RBFOX1: variants seen among roughly 807,000 people sequenced by gnomAD.
RBFOX1 encodes RNA binding fox-1 homolog 1, also known as RNA binding protein fox-1 homolog 1.
A neutral mutation model predicts 57.7 loss-of-function variants in RBFOX1; 8 were observed. That is an observed-to-expected ratio of 0.14 (90% confidence interval 0.08 to 0.25). RBFOX1 has a LOEUF of 0.25. RBFOX1 is among the 10% of genes least tolerant of loss of function. The pLI is 1.00. For missense variants in RBFOX1, 611 were observed against 548.5 expected, an observed-to-expected ratio of 1.11 and a Z score of -1.14; for synonymous variants, 326 against 222.4, an observed-to-expected ratio of 1.47 and a Z score of -4.15.
intron 10 of RBFOX1, among the ~76,000 whole-genome samples, chr16:7,618,356 C>G (rs1259336222): frequency 6.6e-6 from 1 of 151,916 alleles, no homozygotes; most frequent in South Asian, 2.1e-4. Context: ...TGCGTGAAGC[C>G]CTGTGGTGCT....
chr16:7,112,644 G>C (rs12931409), intron 4 of RBFOX1, among the ~76,000 whole-genome samples: 80,210 of 149,580 alleles, frequency 0.54, 21,878 homozygotes, highest in South Asian at 0.7. Flanking sequence ...TATCTTAAAT[G>C]CAGCCTCAAT....
intron 1 of RBFOX1, among the ~76,000 whole-genome samples, chr16:6,139,696 A>G (rs779355430): frequency 7.9e-5 from 12 of 152,096 alleles, no homozygotes; most frequent in Non-Finnish European, 1.6e-4. Flanking sequence ...TCTTTTCTCT[A>G]CTAGCCTCTT....
chr16:6,839,585 C>G (rs748399822), intron 3 of RBFOX1, among the ~76,000 whole-genome samples: 1 of 152,132 alleles, frequency 6.6e-6, no homozygotes, highest in Non-Finnish European at 1.5e-5. Context: ...GGTATTTCCA[C>G]AATATTGAAC....
rs537283350 is a variant in RBFOX1 at position 7,157,129 on chromosome 16, A to T, written c.27+105031A>T. Among the ~76,000 whole-genome samples the T allele has an allele frequency of 7.9e-5, 12 of 152,286 alleles. No homozygotes were observed. In the South Asian group the frequency reaches 1.9e-3, roughly 24 times the overall value. Reference sequence around the variant, plus strand: ...ATTGAGTGTGGGAGAAAGCAATCGTATTCTCATTGGCACAGGATAAGGGAA... The same window carrying T: ...ATTGAGTGTGGGAGAAAGCAATCGTTTTCTCATTGGCACAGGATAAGGGAA... On this transcript the variant is annotated intron_variant, in intron 4 of 15. Transcript: ENST00000550418.
At chr16:5,441,091 C>T (rs999525465) in intron 1 of RBFOX1, among the ~76,000 whole-genome samples, 6 of 152,124 alleles carry the variant, frequency 3.9e-5, no homozygotes, top group African/African-American at 1.4e-4. Flanking sequence ...TGGTTCAGAC[C>T]TAGAATAATG....
chr16:6,765,466 C>T (rs1234315099), intron 3 of RBFOX1, among the ~76,000 whole-genome samples: 1 of 152,126 alleles, frequency 6.6e-6, no homozygotes, highest in East Asian at 1.9e-4. Flanking sequence ...ATCTGTGGAA[C>T]ATACCCCTAT....
At chr16:7,260,380 A>T (rs2094871227) in intron 4 of RBFOX1, among the ~76,000 whole-genome samples, 1 of 152,232 alleles carries the variant, frequency 6.6e-6, no homozygotes, top group Admixed American at 6.5e-5. Context: ...AAATTAAGCA[A>T]GAAAATGAAA....
At chr16:6,861,848 T>G (rs1417292826) in intron 3 of RBFOX1, among the ~76,000 whole-genome samples, 1 of 123,626 alleles carries the variant, frequency 8.1e-6, no homozygotes, top group Non-Finnish European at 1.7e-5. Context: ...TTTTTTTGGT[T>G]TTTTTTTTGG....
intron 1 of RBFOX1, among the ~76,000 whole-genome samples, chr16:6,222,588 G>A (rs1013581870): frequency 1.3e-5 from 2 of 150,738 alleles, no homozygotes; most frequent in Admixed American, 6.7e-5. Flanking sequence ...ATCACCTGAA[G>A]GCTTTGTTAA....
intron 1 of RBFOX1, among the ~76,000 whole-genome samples, chr16:6,025,175 C>T (rs1326703071): frequency 6.6e-6 from 1 of 152,136 alleles, no homozygotes; most frequent in African/African-American, 2.4e-5. Flanking sequence ...AACAAGCATG[C>T]CTTCCTGGCC....
chr16:6,538,536 T>A (rs2096766251), intron 2 of RBFOX1, among the ~76,000 whole-genome samples: 1 of 151,996 alleles, frequency 6.6e-6, no homozygotes, highest in Non-Finnish European at 1.5e-5. Context: ...TGAGGAGACA[T>A]CATGCCACAC....
chr16:7,197,440 G>GAAAAAA (rs57893229), intron 4 of RBFOX1, among the ~76,000 whole-genome samples: 7 of 91,320 alleles, frequency 7.7e-5, no homozygotes, highest in South Asian at 4.3e-4. Flanking sequence ...CCTGTGAGTG[G>GAAAAAA]AAAAAAAAAA....
intron 3 of RBFOX1, among the ~76,000 whole-genome samples, chr16:6,765,347 C>T (rs1456037344): frequency 6.6e-6 from 1 of 152,126 alleles, no homozygotes; most frequent in Non-Finnish European, 1.5e-5. Flanking sequence ...GAAATAATAG[C>T]AAATACGGCT....
intron 4 of RBFOX1, among the ~76,000 whole-genome samples, chr16:7,095,251 C>G (rs1599340961): frequency 6.6e-6 from 1 of 152,182 alleles, no homozygotes; most frequent in Admixed American, 6.5e-5. Context: ...ATTCTCCTGC[C>G]TCAGCCTACC....
chr16:6,575,002 C>T (rs1186273177), intron 2 of RBFOX1, among the ~76,000 whole-genome samples: 1 of 149,546 alleles, frequency 6.7e-6, no homozygotes, highest in Non-Finnish European at 1.5e-5. Context: ...GGCACCACTG[C>T]ACTCCAGCTT....
At chr16:6,708,832 T>C (rs1292776431) in intron 3 of RBFOX1, among the ~76,000 whole-genome samples, 1 of 152,170 alleles carries the variant, frequency 6.6e-6, no homozygotes, top group South Asian at 2.1e-4. Flanking sequence ...GCTTGAGAAA[T>C]GATGAGTAAG....
intron 1 of RBFOX1, among the ~76,000 whole-genome samples, chr16:6,158,831 G>T (rs994156422): frequency 3.9e-5 from 6 of 152,126 alleles, no homozygotes; most frequent in Admixed American, 3.3e-4. Flanking sequence ...TTCTAAGAGA[G>T]AATAGACAGG....
chr16:5,887,558 C>T (rs767755435), intron 4 of RBFOX1, among the ~76,000 whole-genome samples: 26 of 152,110 alleles, frequency 1.7e-4, no homozygotes, highest in Admixed American at 3.9e-4. Flanking sequence ...CTCCCCAATG[C>T]GCCTGGATAA....
intron 2 of RBFOX1, among the ~76,000 whole-genome samples, chr16:6,572,833 A>G (rs2097364074): frequency 6.6e-6 from 1 of 152,072 alleles, no homozygotes; most frequent in South Asian, 2.1e-4. Context: ...ACCTCAAGTG[A>G]TCCACCCACC....
Sources: allele counts gnomAD v4.1 joint callset (sites outside exome capture counted in the v4.1 genomes callset), GRCh38; gene constraint gnomAD v4.1.1; transcripts MANE v1.5; gene names NCBI Gene and HGNC (gene_info 2026-07-23, HGNC 2026-07-21).